The following CTNNA3 variants were observed in gnomAD, a reference collection of about 807,000 sequenced individuals.
CTNNA3 encodes the protein catenin alpha-3.
In CTNNA3, 76 loss-of-function variants were observed where a neutral mutation model predicts 95.7. The ratio of observed to expected loss-of-function variants is 0.79; its 90% CI spans 0.66 to 0.96. CTNNA3 has a LOEUF of 0.96. CTNNA3 is among the 40% of genes least tolerant of loss of function. CTNNA3 has a pLI of 0.00. For synonymous variants in CTNNA3, 431 were observed against 374.4 expected (o/e 1.15, Z -1.74); for missense variants, 1,191 against 1,089.8 (o/e 1.09, Z -1.31).
chr10:66,909,738 A>G (rs2132553961), intron 7 of CTNNA3, among the ~76,000 whole-genome samples: 1 of 152,304 alleles, frequency 6.6e-6, no homozygotes, highest in African/African-American at 2.4e-5. Flanking sequence ...CATGCTTAGT[A>G]CATACTTTCC....
At chr10:67,035,868 TC>T (rs1854017357) in intron 7 of CTNNA3, among the ~76,000 whole-genome samples, 1 of 152,228 alleles carries the variant, frequency 6.6e-6, no homozygotes, top group South Asian at 2.1e-4. Context: ...TATTCTATAT[TC>T]CCTATTTAGT....
intron 13 of CTNNA3, among the ~76,000 whole-genome samples, chr10:66,136,474 A>G (rs1032674475): frequency 4.7e-5 from 7 of 150,240 alleles, no homozygotes; most frequent in African/African-American, 1.7e-4. Flanking sequence ...ATAGTTTTCA[A>G]ACACTAAATA....
chr10:67,358,714 C>T (rs1005675680), intron 5 of CTNNA3, among the ~76,000 whole-genome samples: 2 of 152,110 alleles, frequency 1.3e-5, no homozygotes, highest in African/African-American at 4.8e-5. Context: ...CACAGAGGAC[C>T]AGTGGGTCGT....
intron 13 of CTNNA3, among the ~76,000 whole-genome samples, chr10:66,109,757 T>C (rs2082046760): frequency 6.6e-6 from 1 of 151,476 alleles, no homozygotes; most frequent in Admixed American, 6.6e-5. Flanking sequence ...GAAGAAGATA[T>C]CAGAAAATGT....
chr10:66,963,992 A>T (rs1422171004), intron 7 of CTNNA3, among the ~76,000 whole-genome samples: 8 of 151,820 alleles, frequency 5.3e-5, no homozygotes, highest in African/African-American at 1.9e-4. Flanking sequence ...GTTTACAGGC[A>T]TGCACCACCA....
At chr10:66,689,090 G>C (rs941266598) in intron 9 of CTNNA3, among the ~76,000 whole-genome samples, 1 of 120,784 alleles carries the variant, frequency 8.3e-6, no homozygotes, top group Non-Finnish European at 1.7e-5. Flanking sequence ...ATGTGTGCAC[G>C]TGTGTGTATC....
intron 10 of CTNNA3, among the ~76,000 whole-genome samples, chr10:66,576,324 C>T (rs766586885): frequency 2.0e-5 from 3 of 152,014 alleles, no homozygotes; most frequent in Non-Finnish European, 4.4e-5. Context: ...ATTATTATTA[C>T]TATTGGTTTC....
intron 13 of CTNNA3, among the ~76,000 whole-genome samples, chr10:66,244,944 G>A (rs554626240): frequency 1.3e-5 from 2 of 152,298 alleles, no homozygotes; most frequent in African/African-American, 4.8e-5. Context: ...TTTTGTTACG[G>A]GATCTTTGGG....
At chr10:66,086,638 C>G (rs555850810) in intron 14 of CTNNA3, among the ~76,000 whole-genome samples, 1 of 152,166 alleles carries the variant, frequency 6.6e-6, no homozygotes, top group South Asian at 2.1e-4. Context: ...TATCACTATT[C>G]TTTTCTTAAA....
chr10:67,270,002 T>A (rs1838901237), intron 5 of CTNNA3, among the ~76,000 whole-genome samples: 1 of 152,030 alleles, frequency 6.6e-6, no homozygotes. Context: ...TTGTATATGA[T>A]GGGTTTAATA....
At chr10:66,671,468 A>G (rs1364557738) in intron 9 of CTNNA3, among the ~76,000 whole-genome samples, 2 of 152,176 alleles carry the variant, frequency 1.3e-5, no homozygotes, top group African/African-American at 4.8e-5. Context: ...AATAATTCTA[A>G]TGCTCCAAAT....
In CTNNA3 at chr10:66,875,678, A is replaced by C. The variant is rs190287324; in HGVS notation, c.1048-100154T>G. Reference sequence around the variant, plus strand: ...AGTAAATCTGCTAATCCAATCTCACAGAGCAAAACATTTAAATGTCATTTG... The same window carrying C: ...AGTAAATCTGCTAATCCAATCTCACCGAGCAAAACATTTAAATGTCATTTG... On this transcript the variant is annotated intron_variant, in intron 7 of 17. Transcript: ENST00000433211. 4.3e-4 allele frequency among the ~76,000 whole-genome samples: 65 copies of C among 152,320 alleles called. No individual in the cohort carries two copies. The East Asian group carries it at 8.9e-3, about 21-fold the overall frequency.
Position 66,495,200 on chromosome 10 carries a change from A to T in CTNNA3, c.1531+25417T>A, listed in dbSNP as rs530645274. On this transcript the variant is annotated intron_variant, in intron 11 of 17. Coordinates refer to ENST00000433211, the MANE Select transcript of CTNNA3 (RefSeq NM_013266.4). ...CACTATGACTTAGAAGAATAAAATT[A>T]TTCTTTGGCTAGCCCATAAACTCTC... 1.1e-4 allele frequency among the ~76,000 whole-genome samples: 16 copies of T among 152,296 alleles called. No individual in the cohort carries two copies. The East Asian group carries it at 2.9e-3, about 28-fold the overall frequency.
chr10:66,824,812 T>TAAA, intron 7 of CTNNA3, among the ~76,000 whole-genome samples: 1 of 152,178 alleles, frequency 6.6e-6, no homozygotes, highest in Admixed American at 6.5e-5. Flanking sequence ...GGAGACGTGG[T>TAAA]GACTAAATCC....
At chr10:66,835,980 G>A (rs1468309189) in intron 7 of CTNNA3, among the ~76,000 whole-genome samples, 1 of 151,398 alleles carries the variant, frequency 6.6e-6, no homozygotes, top group Admixed American at 6.6e-5. Flanking sequence ...GACAACACCT[G>A]TACTAGAGAA....
At chr10:67,539,997 A>G (rs1369879914) in intron 3 of CTNNA3, among the ~76,000 whole-genome samples, 1 of 152,202 alleles carries the variant, frequency 6.6e-6, no homozygotes, top group Non-Finnish European at 1.5e-5. Context: ...AGCTTCAATC[A>G]TAAACAATCC....
chr10:65,961,432 G>T (rs1368201385), intron 17 of CTNNA3, among the ~76,000 whole-genome samples: 2 of 152,110 alleles, frequency 1.3e-5, no homozygotes, highest in Non-Finnish European at 2.9e-5. Flanking sequence ...GCATAATTTT[G>T]CCGGTTGCAT....
chr10:66,321,829 A>C (rs2092190882), intron 12 of CTNNA3, among the ~76,000 whole-genome samples: 1 of 152,132 alleles, frequency 6.6e-6, no homozygotes, highest in African/African-American at 2.4e-5. Context: ...AGCCAAGGAA[A>C]TGTGCGTATG....
intron 13 of CTNNA3, among the ~76,000 whole-genome samples, chr10:66,219,894 C>T (rs377446869): frequency 6.6e-6 from 1 of 152,078 alleles, no homozygotes; most frequent in Non-Finnish European, 1.5e-5. Flanking sequence ...GAGGCTGAGG[C>T]GGGCGGCTCC....
Sources: gnomAD v4.1 joint callset for allele counts (sites outside exome capture counted in the v4.1 genomes callset) on GRCh38, gnomAD v4.1.1 for gene constraint, MANE v1.5 for transcripts, NCBI Gene and HGNC (gene_info 2026-07-23, HGNC 2026-07-21) for gene names.